MICALL2: variants seen among roughly 807,000 people sequenced by gnomAD.
The protein encoded by MICALL2 is MICAL-like protein 2.
MICALL2 carries 111 observed loss-of-function variants against 91.1 expected under a neutral mutation model. The observed-to-expected ratio is 1.22, with a 90% CI of 1.04 to 1.43. The LOEUF is 1.43. MICALL2 is among the 40% of genes most tolerant of loss of function. MICALL2 has a pLI of 0.00. For missense variants in MICALL2, 1,556 were observed against 1,236.0 expected, an observed-to-expected ratio of 1.26 and a Z score of -3.88; for synonymous variants, 694 against 525.3, an observed-to-expected ratio of 1.32 and a Z score of -4.39.
rs750015393 is a variant in MICALL2 at position 1,444,876 on chromosome 7, TG to T, written c.1193del (p.Ala398GlufsTer99). 1 of 1,594,138 alleles carries T rather than the reference TG, an allele frequency of 6.3e-7. No individual in the cohort carries two copies. Among genetic ancestry groups the T allele is most frequent in the East Asian group, 2.2e-5 (1 of 44,488 alleles). On this transcript the variant is annotated frameshift_variant, in exon 6 of 17. Coordinates refer to ENST00000297508, the MANE Select transcript of MICALL2 (RefSeq NM_182924.4). LOFTEE classifies it high-confidence loss of function. ...QTTLSSSSTS[A>X]ATVDPPAWTP... ...TCCAGGCTGGGGGGTCCACCGTGGC[TG>T]CAGATGTGGAGCTTGAACTGAGTGT... is the stretch of plus-strand genomic sequence containing the variant.
chr7:1,449,722 G>A (rs923337356), intron 2 of MICALL2, among the ~76,000 whole-genome samples: 6 of 152,232 alleles, frequency 3.9e-5, no homozygotes, highest in African/African-American at 4.8e-5. Context: ...TGAGTCTGCC[G>A]GTGCCTCTGC....
chr7:1,437,936 G>A lies in MICALL2; in HGVS notation c.2356C>T (p.His786Tyr), dbSNP rs1310345943. The change falls in exon 13 of 17, where the codon CAC (histidine) becomes TAC (tyrosine). Residue 786 changes from histidine (H) to tyrosine (Y), a missense_variant. Transcript: ENST00000297508. ...SLMVDWFWLI[H>Y]EKQLLLRQES... ...TGTCTCAGCAGAAGCTGCTTCTCGT[G>A]AATGAGCCAGAACCAGTCCACCATG... The A allele has an allele frequency of 1.3e-6, 2 of 1,549,788 alleles. No homozygotes were observed. The highest frequency in any genetic ancestry group is 1.4e-5 in the African/African-American group (1 of 73,174).
rs1780307001 is a variant in MICALL2, at chr7:1,442,070, T to C, written c.1711+122A>G. Reference sequence around the variant, plus strand: ...GAGCAGGTGTCACGGAGGACAGAGATGAGACGGAGAGGAAGGCGGGCGGGG... The same window carrying C: ...GAGCAGGTGTCACGGAGGACAGAGACGAGACGGAGAGGAAGGCGGGCGGGG... On this transcript the variant is annotated intron_variant, in intron 7 of 16. Coordinates refer to ENST00000297508, the MANE Select transcript of MICALL2 (RefSeq NM_182924.4). 19 of 1,129,762 alleles carry C rather than the reference T, an allele frequency of 1.7e-5. No individual in the cohort carries two copies. In the South Asian group the frequency reaches 2.7e-4, roughly 16 times the overall value. 70.0% of individuals were successfully genotyped at this position (1,129,762 alleles called of 1,614,324 possible).
intron 16 of MICALL2, 35 bp downstream of exon 16, chr7:1,435,066 G>T (rs1449478450): frequency 1.3e-6 from 2 of 1,489,140 alleles, no homozygotes; most frequent in Non-Finnish European, 9.0e-7. Context: ...CACCCAGCCA[G>T]CCAGCCCAGC....
At chr7:1,442,771 A>G (rs1055641872) in intron 6 of MICALL2, among the ~76,000 whole-genome samples, 11 of 152,184 alleles carry the variant, frequency 7.2e-5, no homozygotes, top group African/African-American at 2.4e-4. Context: ...GCATGAGCAT[A>G]TGCTGTGGTT....
At chr7:1,435,071 C>G in intron 16 of MICALL2, 30 bp downstream of exon 16, 1 of 1,610,496 alleles carries the variant, frequency 6.2e-7, no homozygotes, top group Middle Eastern at 1.7e-4. Context: ...AGCCAGCCAG[C>G]CCAGCCCTCA....
intron 2 of MICALL2, 90 bp downstream of exon 2, chr7:1,450,150 G>T: frequency 2.0e-6 from 2 of 995,592 alleles, no homozygotes; most frequent in Non-Finnish European, 3.2e-6. Flanking sequence ...CAGGTGCAGG[G>T]CCTGGGGGGA....
chr7:1,437,726 G>A (rs1055838208), intron 13 of MICALL2, 118 bp from the exon 14 acceptor site: 30 of 1,278,432 alleles, frequency 2.3e-5, no homozygotes, highest in South Asian at 7.7e-5. Context: ...GGCCTGACTC[G>A]CCGCCCGTCC....
chr7:1,447,471 T>C (rs1049937271), intron 4 of MICALL2, 104 bp downstream of exon 4: 2 of 696,420 alleles, frequency 2.9e-6, no homozygotes, highest in Non-Finnish European at 4.7e-6. Context: ...CGCACCCCAC[T>C]CTGGGTCCCG....
Position 1,446,877 on chromosome 7 carries a change from C to A in MICALL2, c.526-49G>T, listed in dbSNP as rs935615794. On this transcript the variant is annotated intron_variant, in intron 4 of 16. Transcript: ENST00000297508. ...CTGAGCAGCCGTCCACCCAGCCCTC[C>A]CTCCTGGTGGCAGCCCACAGGTGGC... 2.2e-6 allele frequency: 3 copies of A among 1,337,220 alleles called. No individual in the cohort carries two copies. The African/African-American group carries it at 4.4e-5, about 19-fold the overall frequency. 82.8% of individuals were successfully genotyped at this position (1,337,220 alleles called of 1,614,324 possible).
In MICALL2 at chr7:1,440,567, G is replaced by T. The variant is rs751696645; in HGVS notation, c.1805+24C>A. ...AAGCACCTATGGTGTACCAGGCCCT[G>T]GGCCAGCCCCACCCATCCCTAACCT... On this transcript the variant is annotated intron_variant, in intron 8 of 16. Coordinates refer to ENST00000297508, the MANE Select transcript of MICALL2 (RefSeq NM_182924.4). 4.4e-6 allele frequency: 7 copies of T among 1,602,452 alleles called. No individual in the cohort carries two copies. The African/African-American group carries it at 9.4e-5, about 21-fold the overall frequency.
At chr7:1,440,486 C>T (rs1461529959) in intron 8 of MICALL2, 105 bp downstream of exon 8, 22 of 1,000,096 alleles carry the variant, frequency 2.2e-5, no homozygotes, top group South Asian at 1.1e-4. Context: ...CAGGGAGGTG[C>T]GTCTATCCCT....
Position 1,459,196 on chromosome 7 carries a change from C to T in MICALL2, c.131G>A (p.Arg44Gln). 6.2e-7 allele frequency: 1 copy of T among 1,609,778 alleles called. No homozygotes were observed. The highest frequency in any genetic ancestry group is 8.5e-7 in the Non-Finnish European group (1 of 1,178,486). The part of the protein sequence containing the change: ...LAFCAILHRH[R>Q]PDLINFSALK... ...AGGCAGGACTTACATGAGGTCGGGC[C>T]GGTGGCGGTGCAGGATGGCGCAGAA... Residue 44 changes from arginine to glutamine, a missense_variant, in exon 1 of 17, where the codon CGG (arginine) becomes CAG (glutamine). Coordinates refer to ENST00000297508, the MANE Select transcript of MICALL2 (RefSeq NM_182924.4).
intron 15 of MICALL2, among the ~76,000 whole-genome samples, chr7:1,435,377 C>A (rs1779917062): frequency 6.7e-6 from 1 of 149,062 alleles, no homozygotes; most frequent in South Asian, 2.1e-4. Flanking sequence ...CAGGAGGGCC[C>A]TGGGCCGACC....
rs766832708 is a variant in MICALL2, at chr7:1,440,080, A to C, written c.1811T>G (p.Leu604Arg). The C allele has an allele frequency of 6.3e-7, 1 of 1,588,082 alleles. No individual in the cohort carries two copies. The highest frequency in any genetic ancestry group is 8.5e-7 in the Non-Finnish European group (1 of 1,172,068). ...CAGGGCCCGTGGTTCCTTGGGCTTC[A>C]GAGTCCTGGGCAGAAGGCATGAGGT... ...VDRRSPAERT[L>R]KPKEPRALAE... is the part of the protein sequence containing the mutation. Residue 604 changes from leucine (L) to arginine (R), a missense_variant, in exon 9 of 17, where the codon CTG (leucine) becomes CGG (arginine). By Grantham distance (102) the Leu-to-Arg change is moderately radical. Transcript: ENST00000297508.
In MICALL2 at chr7:1,439,919, G is replaced by C. The variant is rs183766085; in HGVS notation, c.1966+6C>G. 6.9e-7 allele frequency: 1 copy of C among 1,455,036 alleles called. No individual in the cohort carries two copies. The highest frequency in any genetic ancestry group is 1.5e-5 in the African/African-American group (1 of 67,234). The allele number at this position is 1,455,036 out of a possible 1,614,324, so 90.1% of individuals were successfully genotyped here. On this transcript the variant is annotated splice_donor_region_variant and intron_variant, in intron 9 of 16. Coordinates refer to ENST00000297508, the MANE Select transcript of MICALL2 (RefSeq NM_182924.4). ...CCGGGGGCCCCTGGGTCCCGTCCAG[G>C]AGTACCTGGGAGGCTGGGTCCTGGG...
Position 1,447,613 on chromosome 7 carries a change from T to G in MICALL2, c.487A>C (p.Arg163=). The change falls in exon 4 of 17, where the codon AGG becomes CGG. Residue 163 remains arginine (R), a synonymous_variant. Transcript: ENST00000297508. ...GGGCCCCCTGCACCCTCATTCCTCC[T>G]CTGGACCACAGGGTTTGTCTGGGCT... ...SPAQTNPVVQ[R]RNEGAGGPPP... 6.3e-7 allele frequency: 1 copy of G among 1,596,252 alleles called. No individual in the cohort carries two copies. The highest frequency in any genetic ancestry group is 8.5e-7 in the Non-Finnish European group (1 of 1,172,296).
intron 3 of MICALL2, 128 bp from the exon 4 acceptor site, chr7:1,447,893 G>A: frequency 1.4e-6 from 1 of 701,522 alleles, no homozygotes; most frequent in African/African-American, 1.8e-5. Flanking sequence ...CAGGGCTGGG[G>A]AGAGGTAACC....
intron 1 of MICALL2, among the ~76,000 whole-genome samples, chr7:1,453,945 G>A (rs1584234867): frequency 6.6e-6 from 1 of 152,282 alleles, no homozygotes; most frequent in East Asian, 1.9e-4. Context: ...TCGGTCACAA[G>A]ATTTGCCCTG....
Sources: allele counts gnomAD v4.1 joint callset (sites outside exome capture counted in the v4.1 genomes callset), GRCh38; gene constraint gnomAD v4.1.1; transcripts MANE v1.5; gene names NCBI Gene and HGNC (gene_info 2026-07-23, HGNC 2026-07-21).